CADM2: variants seen among roughly 807,000 people sequenced by gnomAD.
CADM2 encodes the protein cell adhesion molecule 2.
CADM2 carries 12 observed loss-of-function variants against 49.8 expected under a neutral mutation model. The observed-to-expected ratio is 0.24, with a 90% CI of 0.15 to 0.39. The LOEUF is 0.39. Ranked by LOEUF, CADM2 falls within the 10% of genes least tolerant of loss-of-function variation. CADM2 has a pLI of 1.00. For missense variants in CADM2, 378 were observed against 492.3 expected, an observed-to-expected ratio of 0.77 and a Z score of 2.20; for synonymous variants, 214 against 175.4, an observed-to-expected ratio of 1.22 and a Z score of -1.74.
At chr3:84,970,819 A>G (rs1559595714) in intron 1 of CADM2, among the ~76,000 whole-genome samples, 1 of 152,022 alleles carries the variant, frequency 6.6e-6, no homozygotes, top group African/African-American at 2.4e-5. Context: ...CTTCTCTAAC[A>G]TGGCTTCTGT....
chr3:85,488,839 A>G (rs926782755), intron 1 of CADM2, among the ~76,000 whole-genome samples: 2 of 152,000 alleles, frequency 1.3e-5, no homozygotes, highest in Admixed American at 6.6e-5. Flanking sequence ...TATTTATTCT[A>G]TTTCTTTACT....
intron 1 of CADM2, among the ~76,000 whole-genome samples, chr3:85,609,038 C>T (rs752407345): frequency 2.0e-5 from 3 of 151,908 alleles, no homozygotes; most frequent in Non-Finnish European, 4.4e-5. Flanking sequence ...TTTTCATTGT[C>T]ACTCTGTTCT....
At chr3:85,141,947 T>C (rs1479045440) in intron 1 of CADM2, among the ~76,000 whole-genome samples, 1 of 152,218 alleles carries the variant, frequency 6.6e-6, no homozygotes, top group African/African-American at 2.4e-5. Context: ...AAAAGAATTG[T>C]GTTTATATTA....
chr3:85,996,589 C>A (rs189847346), intron 8 of CADM2, among the ~76,000 whole-genome samples: 4 of 151,916 alleles, frequency 2.6e-5, no homozygotes, highest in Admixed American at 1.3e-4. Context: ...TCTGGAAGCA[C>A]CTATAAATGT....
In CADM2 at chr3:85,061,215, G is replaced by A. The variant is rs940538915; in HGVS notation, c.61+101547G>A. On this transcript the variant is annotated intron_variant, in intron 1 of 9. Transcript: ENST00000383699. ...AGTATTTATTATTAAAATGTTTCTCGTGATGAAAATATACCCTTGTCAATA... is the reference window on the plus strand; with the variant it reads ...AGTATTTATTATTAAAATGTTTCTCATGATGAAAATATACCCTTGTCAATA... Among the ~76,000 whole-genome samples, 76 of 151,990 alleles carry A rather than the reference G, an allele frequency of 5.0e-4. 1 individual carries two copies. Among genetic ancestry groups the A allele is most frequent in the Admixed American group, 5.0e-3 (76 of 15,236 alleles).
At chr3:85,323,489 C>T (rs1025131169) in intron 1 of CADM2, among the ~76,000 whole-genome samples, 3 of 152,074 alleles carry the variant, frequency 2.0e-5, no homozygotes, top group African/African-American at 4.8e-5. Flanking sequence ...TAGCTGTCAC[C>T]GCCTATCAAC....
rs565999019 is a variant in CADM2, at chr3:85,930,903, A to G, written c.701-4864A>G. On this transcript the variant is annotated intron_variant, in intron 6 of 9. Coordinates refer to ENST00000383699, the MANE Select transcript of CADM2 (RefSeq NM_001167675.2). ...AAGATTAATTATATGTTAATTAATT[A>G]ATATATTAATAATTATATTACTTAA... is the stretch of plus-strand genomic sequence containing the variant. Among the ~76,000 whole-genome samples the G allele has an allele frequency of 4.0e-5, 6 of 149,472 alleles. No individual in the cohort carries two copies. The Admixed American group carries it at 4.0e-4, about 10-fold the overall frequency.
At chr3:85,660,963 C>T (rs1295501978) in intron 1 of CADM2, among the ~76,000 whole-genome samples, 1 of 149,824 alleles carries the variant, frequency 6.7e-6, no homozygotes, top group African/African-American at 2.4e-5. Context: ...TTGTAATTTT[C>T]ATTTACTGAG....
At chr3:85,688,040 T>A (rs144485753) in intron 1 of CADM2, among the ~76,000 whole-genome samples, 18 of 152,260 alleles carry the variant, frequency 1.2e-4, no homozygotes, top group Non-Finnish European at 1.9e-4. Context: ...AACAGTTTTA[T>A]CCTGAAACCA....
In CADM2 at chr3:85,622,068, A is replaced by G. The variant is rs531489410; in HGVS notation, c.62-104454A>G. Among the ~76,000 whole-genome samples the G allele has an allele frequency of 4.6e-5, 7 of 152,314 alleles. No homozygotes were observed. In the East Asian group the frequency reaches 9.7e-4, roughly 21 times the overall value. The stretch of plus-strand genomic sequence containing the variant: ...GCTTAGAATATTAAAAATGCAAACA[A>G]TTGCTTACCTTATGTGGATAGTCTA... On this transcript the variant is annotated intron_variant, in intron 1 of 9. Transcript: ENST00000383699.
chr3:85,260,344 T>C (rs142566998), intron 1 of CADM2, among the ~76,000 whole-genome samples: 1 of 152,166 alleles, frequency 6.6e-6, no homozygotes, highest in Non-Finnish European at 1.5e-5. Flanking sequence ...AATTGCTTTA[T>C]GACACCATCT....
rs969394179 is a variant in CADM2, at chr3:85,516,171, G to A, written c.62-210351G>A. Among the ~76,000 whole-genome samples the A allele has an allele frequency of 7.2e-5, 11 of 152,162 alleles. No individual in the cohort carries two copies. In the East Asian group the frequency reaches 1.5e-3, roughly 21 times the overall value. ...AATAATCAATTCATGGTCAAATTTG[G>A]CCCATGAAGTTGAAAGTTCTCCTAA... is the stretch of plus-strand genomic sequence containing the variant. On this transcript the variant is annotated intron_variant, in intron 1 of 9. Transcript: ENST00000383699.
intron 1 of CADM2, among the ~76,000 whole-genome samples, chr3:85,535,532 G>T (rs1280821171): frequency 1.9e-5 from 2 of 104,708 alleles, no homozygotes; most frequent in African/African-American, 5.1e-5. Context: ...TGCTTTGCAA[G>T]TATCTTTTTT....
intron 1 of CADM2, among the ~76,000 whole-genome samples, chr3:85,106,564 G>T (rs1335818151): frequency 6.6e-6 from 1 of 151,952 alleles, no homozygotes; most frequent in Non-Finnish European, 1.5e-5. Flanking sequence ...GTATGCTCTG[G>T]GAAAATAAAG....
At chr3:85,115,816 G>A (rs1396007974) in intron 1 of CADM2, among the ~76,000 whole-genome samples, 3 of 152,126 alleles carry the variant, frequency 2.0e-5, no homozygotes, top group African/African-American at 7.2e-5. Flanking sequence ...CAGTTAAAGA[G>A]GTGTGAGCTC....
chr3:85,144,245 G>A (rs200452320), intron 1 of CADM2, among the ~76,000 whole-genome samples: 19 of 149,038 alleles, frequency 1.3e-4, no homozygotes, highest in East Asian at 6.0e-4. Flanking sequence ...TGTTACACAC[G>A]CACACACACA....
At chr3:85,196,721 G>C (rs537725317) in intron 1 of CADM2, among the ~76,000 whole-genome samples, 2 of 151,900 alleles carry the variant, frequency 1.3e-5, no homozygotes, top group East Asian at 3.9e-4. Context: ...ATTGCATCTG[G>C]GAAAAGTCAT....
chr3:85,946,745 G>C (rs1251804288), intron 7 of CADM2, among the ~76,000 whole-genome samples: 1 of 152,120 alleles, frequency 6.6e-6, no homozygotes, highest in Non-Finnish European at 1.5e-5. Flanking sequence ...CTAGCCATAT[G>C]TAGAAAGCTG....
intron 5 of CADM2, among the ~76,000 whole-genome samples, chr3:85,904,403 G>A (rs1716518797): frequency 6.6e-6 from 1 of 152,144 alleles, no homozygotes. Flanking sequence ...GCCTCTTCTG[G>A]AAAGGACCGT....
Sources: allele counts gnomAD v4.1 joint callset (sites outside exome capture counted in the v4.1 genomes callset), GRCh38; gene constraint gnomAD v4.1.1; transcripts MANE v1.5; gene names NCBI Gene and HGNC (gene_info 2026-07-23, HGNC 2026-07-21).